Variants in PSMD6 observed in about 807,000 individuals in gnomAD.
PSMD6 encodes proteasome 26S subunit, non-ATPase 6.
Under a neutral mutation model 44.9 loss-of-function variants are expected in PSMD6, and 7 were observed. The observed-to-expected ratio is 0.16, with a 90% confidence interval of 0.09 to 0.29. PSMD6 has a LOEUF of 0.29. PSMD6 is among the 10% of genes least tolerant of loss of function. The pLI, the probability that PSMD6 is intolerant of heterozygous loss-of-function variation, is 1.00. For missense variants in PSMD6, 420 were observed against 482.6 expected (o/e 0.87, Z 1.21); for synonymous variants, 184 against 172.7 (o/e 1.07, Z -0.51).
intron 5 of PSMD6, chr3:64,016,370 A>G (rs895833913): frequency 1.3e-5 from 2 of 152,126 alleles, no homozygotes; most frequent in African/African-American, 4.8e-5. Flanking sequence ...GGTACTACCT[A>G]GAAAAGGATA....
intron 6 of PSMD6, chr3:64,011,306 ACAGC>A: frequency 5.8e-6 from 1 of 173,158 alleles, no homozygotes; most frequent in Non-Finnish European, 1.2e-5. Context: ...ATTATGGAAC[ACAGC>A]CCATCAGTAA....
At chr3:64,013,168 A>G (rs1322463413) in intron 6 of PSMD6, 1 of 298,468 alleles carries the variant, frequency 3.4e-6, no homozygotes, top group Non-Finnish European at 6.1e-6. Flanking sequence ...ACAGAAGACA[A>G]CTTTTGATAA....
At chr3:64,013,361 A>G (rs1168959077) in intron 6 of PSMD6, 78 bp downstream of exon 6, 16 of 1,365,666 alleles carry the variant, frequency 1.2e-5, no homozygotes, top group Non-Finnish European at 1.6e-5. Flanking sequence ...AATGTAAACA[A>G]GTAAAAAATT....
At chr3:64,013,696 A>G in intron 5 of PSMD6, 89 bp from the exon 6 acceptor site, 1 of 1,180,922 alleles carries the variant, frequency 8.5e-7, no homozygotes, top group Admixed American at 3.0e-5. Context: ...GTTGAGTCCA[A>G]CAGATAGATG....
intron 6 of PSMD6, chr3:64,012,528 T>A (rs1350264417): frequency 6.6e-6 from 1 of 152,248 alleles, no homozygotes; most frequent in African/African-American, 2.4e-5. Flanking sequence ...AATCTTCCAA[T>A]GGCTCCCTAT....
chr3:64,013,903 G>A (rs1383534503), intron 5 of PSMD6: 8 of 251,630 alleles, frequency 3.2e-5, no homozygotes, highest in Admixed American at 1.6e-4. Flanking sequence ...TTTTAACCAC[G>A]GAGAACTTCT....
chr3:64,010,589 AC>A lies in PSMD6; in HGVS notation c.*78del. ...ATGCAGTATTTATTTTATACAGCTG[AC>A]CTGGGCACATTGTGAAGTAAGCTAT... On this transcript the variant is annotated 3_prime_UTR_variant, in exon 8 of 8. Transcript: ENST00000295901. The A allele has an allele frequency of 9.6e-7, 1 of 1,041,790 alleles. No individual in the cohort carries two copies. The allele number at this position is 1,041,790 out of a possible 1,614,324, so 64.5% of individuals were successfully genotyped here.
chr3:64,021,928 T>C (rs1472274270), intron 2 of PSMD6, among the ~76,000 whole-genome samples: 3 of 152,220 alleles, frequency 2.0e-5, no homozygotes, highest in African/African-American at 4.8e-5. Context: ...GCATTTACTA[T>C]ACTGTTTCTT....
intron 5 of PSMD6, chr3:64,015,950 G>A (rs2076036383): frequency 6.6e-6 from 1 of 152,146 alleles, no homozygotes; most frequent in Admixed American, 6.5e-5. Context: ...CACTTTGAGA[G>A]GCTGAGGCGG....
chr3:64,013,469 G>A lies in PSMD6; in HGVS notation c.965C>T (p.Ala322Val), dbSNP rs757822852. 3 of 1,594,376 alleles carry A rather than the reference G, an allele frequency of 1.9e-6. No homozygotes were observed. Among genetic ancestry groups the A allele is most frequent in the East Asian group, 2.3e-5 (1 of 44,128 alleles). Residue 322 changes from alanine to valine, a missense_variant, in exon 6 of 8, where the codon GCG becomes GTG. By Grantham distance (64) the Ala-to-Val change is moderately conservative. Around this residue, in one of 4 missense-constraint regions of PSMD6, gnomAD observed 63 missense variants for 112.1 expected, o/e 0.56. Coordinates refer to ENST00000295901, the MANE Select transcript of PSMD6 (RefSeq NM_014814.3). The part of the protein sequence containing the change: ...RSLTLGYMAE[A>V]FGVGVEFIDQ... ...AATGAATTCCACACCAACACCAAACGCTTCTGCCATATAGCCAAGGGTTAA... is the reference window on the plus strand; with the variant it reads ...AATGAATTCCACACCAACACCAAACACTTCTGCCATATAGCCAAGGGTTAA...
chr3:64,011,736 G>GACTT (rs1269651284), intron 6 of PSMD6: 1 of 152,070 alleles, frequency 6.6e-6, no homozygotes, highest in Non-Finnish European at 1.5e-5. Flanking sequence ...TCATCAAGAT[G>GACTT]ACTTAAGGAA....
chr3:64,021,936 C>T (rs2076139682), intron 2 of PSMD6, among the ~76,000 whole-genome samples: 1 of 152,170 alleles, frequency 6.6e-6, no homozygotes, highest in African/African-American at 2.4e-5. Flanking sequence ...TATACTGTTT[C>T]TTAGTTTCTG....
At chr3:64,021,744 G>A (rs190953573) in intron 2 of PSMD6, among the ~76,000 whole-genome samples, 1 of 151,936 alleles carries the variant, frequency 6.6e-6, no homozygotes, top group East Asian at 1.9e-4. Flanking sequence ...CCAGCAGGTG[G>A]AGGTTGCAGT....
intron 2 of PSMD6, among the ~76,000 whole-genome samples, chr3:64,020,116 A>G (rs2076106642): frequency 6.6e-6 from 1 of 152,206 alleles, no homozygotes; most frequent in Non-Finnish European, 1.5e-5. Flanking sequence ...TTAGAGTGAA[A>G]ATAACAGGTG....
At chr3:64,018,496 CACT>C (rs1440958637) in intron 5 of PSMD6, 100 bp downstream of exon 5, 1 of 816,948 alleles carries the variant, frequency 1.2e-6, no homozygotes, top group Non-Finnish European at 1.9e-6. Context: ...GCTACCTACA[CACT>C]ACATTTCTCA....
chr3:64,022,583 G>A, intron 1 of PSMD6, 60 bp from the exon 2 acceptor site: 1 of 1,593,748 alleles, frequency 6.3e-7, no homozygotes. Context: ...GTCAAAGTCT[G>A]CCCACGTATT....
At chr3:64,011,183 T>G in intron 6 of PSMD6, 2 of 390,940 alleles carry the variant, frequency 5.1e-6, no homozygotes. Context: ...AGATAGAAAG[T>G]AGATCAAACA....
At chr3:64,011,753 G>A (rs1026758871) in intron 6 of PSMD6, 7 of 152,122 alleles carry the variant, frequency 4.6e-5, no homozygotes, top group South Asian at 2.1e-4. Flanking sequence ...GGAATACTGC[G>A]GTGTGTGCCC....
chr3:64,013,430 C>A lies in PSMD6; in HGVS notation c.995+9G>T. The A allele has an allele frequency of 6.5e-7, 1 of 1,547,392 alleles. No homozygotes were observed. Among genetic ancestry groups the A allele is most frequent in the Non-Finnish European group, 8.7e-7 (1 of 1,148,792 alleles). On this transcript the variant is annotated intron_variant, in intron 6 of 7. Transcript: ENST00000295901. ...AAACTTCAATTAACATGGCATTATTCAAACTTACTGATCAATGAATTCCAC... is the reference window on the plus strand; with the variant it reads ...AAACTTCAATTAACATGGCATTATTAAAACTTACTGATCAATGAATTCCAC...
Sources: allele counts gnomAD v4.1 joint callset (sites outside exome capture counted in the v4.1 genomes callset), GRCh38; gene constraint gnomAD v4.1.1; regional missense constraint gnomAD v4.1.1; transcripts MANE v1.5; gene names NCBI Gene and HGNC (gene_info 2026-07-23, HGNC 2026-07-21).